The following TNRC6C variants were observed in gnomAD, a reference collection of about 807,000 sequenced individuals.
TNRC6C encodes the protein trinucleotide repeat containing adaptor 6C.
Under a neutral mutation model 153.7 loss-of-function variants are expected in TNRC6C, and 20 were observed. The ratio of observed to expected loss-of-function variants is 0.13; its 90% CI spans 0.09 to 0.19. The LOEUF is 0.19. Among genes scored for constraint, TNRC6C ranks in the 10% least tolerant of loss-of-function variants. The probability of loss-of-function intolerance (pLI) is 1.00; values close to 1 mark genes in which losing one functional copy is unlikely to be tolerated. For synonymous variants in TNRC6C, 811 were observed against 841.4 expected (o/e 0.96, Z 0.63); for missense variants, 1,987 against 2,172.0 (o/e 0.91, Z 1.69).
exon 19 of TNRC6C, chr17:78,103,433 G>A (rs765873516): frequency 1.9e-6 from 3 of 1,613,958 alleles, no homozygotes; most frequent in South Asian, 2.2e-5. Context: ...TCTACACTGC[G>A]GACATTGTGT....
chr17:77,968,501 C>T (rs2070916347), intron 1 of TNRC6C, among the ~76,000 whole-genome samples: 1 of 151,748 alleles, frequency 6.6e-6, no homozygotes, highest in African/African-American at 2.4e-5. Context: ...GCCACCACAC[C>T]CAGCTAATTT....
exon 3 of TNRC6C, chr17:78,050,551 A>G (rs2072505114): frequency 6.2e-7 from 1 of 1,613,370 alleles, no homozygotes; most frequent in Non-Finnish European, 8.5e-7. Context: ...CGATGGGTCC[A>G]TCATGAACAG....
intron 1 of TNRC6C, among the ~76,000 whole-genome samples, chr17:77,982,757 G>C (rs1438566200): frequency 6.6e-6 from 1 of 152,158 alleles, no homozygotes; most frequent in Non-Finnish European, 1.5e-5. Context: ...TTTAAATCTA[G>C]GAGGCAGAGG....
chr17:78,060,427 A>G (rs548935375), intron 3 of TNRC6C, among the ~76,000 whole-genome samples: 2 of 151,606 alleles, frequency 1.3e-5, no homozygotes, highest in African/African-American at 4.8e-5. Flanking sequence ...CATAGCAAGC[A>G]CTCAATAAAT....
At chr17:77,968,912 TGAGAGTTGGGAGTA>T (rs1390529848) in intron 1 of TNRC6C, among the ~76,000 whole-genome samples, 1 of 152,110 alleles carries the variant, frequency 6.6e-6, no homozygotes, top group African/African-American at 2.4e-5. Flanking sequence ...AAACTGCACT[TGAGAGTTGGGAGTA>T]GAGAGAGACC....
chr17:78,107,143 C>T (rs1439075469), exon 20 of TNRC6C: 2 of 152,160 alleles, frequency 1.3e-5, no homozygotes, highest in Non-Finnish European at 2.9e-5. Flanking sequence ...GTCCGACATA[C>T]CACTTCCCGT....
upstream of TNRC6C, among the ~76,000 whole-genome samples, chr17:77,958,720 G>A (rs2070833038): frequency 6.6e-6 from 1 of 151,522 alleles, no homozygotes; most frequent in Non-Finnish European, 1.5e-5. Context: ...GCAACAAGAT[G>A]GCCGCGGTGG....
intron 8 of TNRC6C, 95 bp from the exon 11 acceptor site, chr17:78,077,090 T>C: frequency 7.3e-7 from 1 of 1,364,784 alleles, no homozygotes; most frequent in South Asian, 1.5e-5. Flanking sequence ...TAATTATTTA[T>C]CCATCCACGC....
At chr17:78,042,994 G>GC (rs2143884597) in intron 2 of TNRC6C, among the ~76,000 whole-genome samples, 1 of 152,258 alleles carries the variant, frequency 6.6e-6, no homozygotes, top group South Asian at 2.1e-4. Context: ...TCAAAAAAGA[G>GC]CTTATAAGTA....
upstream of TNRC6C, among the ~76,000 whole-genome samples, chr17:78,000,623 C>CT (rs1012089340): frequency 1.7e-5 from 1 of 57,230 alleles, no homozygotes; most frequent in Non-Finnish European, 4.1e-5. Flanking sequence ...CCTCCGCCCC[C>CT]CCCCCCCCAC....
intron 1 of TNRC6C, among the ~76,000 whole-genome samples, chr17:77,981,911 T>C (rs1381294972): frequency 6.6e-6 from 1 of 152,204 alleles, no homozygotes; most frequent in Non-Finnish European, 1.5e-5. Flanking sequence ...CTAGGTATTG[T>C]GGACTGAGTG....
chr17:77,994,487 A>C lies in TNRC6C; in HGVS notation c.-37-9683A>C, dbSNP rs16970728. ...ATGGCTCCTGAAACTGAATCCACAC[A>C]GTTAACAGTCCTTTTAGTTCACAAA... On this transcript the variant is annotated intron_variant, in intron 1 of 22. Coordinates refer to the TNRC6C transcript ENST00000636222. Among the ~76,000 whole-genome samples the C allele has an allele frequency of 2.1e-3, 315 of 152,316 alleles. 4 individuals are homozygous for C. Among genetic ancestry groups the C allele is most frequent in the African/African-American group, 6.9e-3 (287 of 41,572 alleles).
chr17:78,048,659 T>G (rs1367534214), intron 2 of TNRC6C, among the ~76,000 whole-genome samples, 186 bp from the exon 5 acceptor site: 1 of 152,226 alleles, frequency 6.6e-6, no homozygotes, highest in African/African-American at 2.4e-5. Flanking sequence ...TTTAAAAACA[T>G]TAACGCTCTT....
At chr17:78,036,336 C>T (rs1484157044) in intron 2 of TNRC6C, among the ~76,000 whole-genome samples, 3 of 152,150 alleles carry the variant, frequency 2.0e-5, no homozygotes, top group African/African-American at 7.2e-5. Context: ...AAAAGCTGCA[C>T]GGTGGAGATT....
At chr17:78,061,692 A>G (rs1204728931) in intron 3 of TNRC6C, among the ~76,000 whole-genome samples, 2 of 152,230 alleles carry the variant, frequency 1.3e-5, no homozygotes, top group African/African-American at 4.8e-5. Context: ...TCTCTATTAA[A>G]TAAATATCAA....
intron 1 of TNRC6C, among the ~76,000 whole-genome samples, 187 bp from the exon 4 acceptor site, chr17:78,031,329 C>A (rs1381274460): frequency 6.6e-6 from 1 of 152,066 alleles, no homozygotes; most frequent in Non-Finnish European, 1.5e-5. Context: ...CTCAGACTCT[C>A]AAGATTAGTT....
intron 2 of TNRC6C, among the ~76,000 whole-genome samples, chr17:78,044,034 C>A (rs1828178029): frequency 6.6e-6 from 1 of 152,192 alleles, no homozygotes; most frequent in African/African-American, 2.4e-5. Context: ...GAAGCTCTCT[C>A]TTCAATATAC....
intron 1 of TNRC6C, among the ~76,000 whole-genome samples, chr17:77,959,983 A>G (rs2144015953): frequency 6.6e-6 from 1 of 152,232 alleles, no homozygotes; most frequent in South Asian, 2.1e-4. Context: ...TGGGGAAGAA[A>G]TAACTGGCAA....
chr17:77,996,986 G>A lies in TNRC6C; in HGVS notation c.-37-7184G>A, dbSNP rs116916071. ...CAGAGACAGCCAACCAAAATGAGAAGCATTACTTGTTCTGTGATAAAAAGC... is the reference window on the plus strand; with the variant it reads ...CAGAGACAGCCAACCAAAATGAGAAACATTACTTGTTCTGTGATAAAAAGC... On this transcript the variant is annotated intron_variant, in intron 1 of 22. Coordinates refer to the TNRC6C transcript ENST00000636222. Among the ~76,000 whole-genome samples, 16 of 152,292 alleles carry A rather than the reference G, an allele frequency of 1.1e-4. 1 individual carries two copies. In the East Asian group the frequency reaches 2.9e-3, roughly 28 times the overall value.
Sources: allele counts gnomAD v4.1 joint callset (sites outside exome capture counted in the v4.1 genomes callset), GRCh38; gene constraint gnomAD v4.1.1; transcripts MANE v1.5; gene names NCBI Gene and HGNC (gene_info 2026-07-23, HGNC 2026-07-21).